The following IQANK1 variants were observed in gnomAD, a reference collection of about 807,000 sequenced individuals.
IQANK1 encodes the protein IQ motif and ankyrin repeat containing 1, also known as IQ motif and ankyrin repeat domain-containing protein 1.
IQANK1 carries 30 observed loss-of-function variants against 22.6 expected under a neutral mutation model. The observed-to-expected ratio is 1.33, with a 90% CI of 0.99 to 1.80. IQANK1 has a LOEUF of 1.80. Ranked by LOEUF, IQANK1 falls within the 40% of genes most tolerant of loss-of-function variation. The pLI is 0.00. For synonymous variants in IQANK1, 122 were observed against 99.6 expected (o/e 1.23, Z -1.34); for missense variants, 275 against 235.2 (o/e 1.17, Z -1.11).
chr8:143,751,867 T>G (rs935635019), intron 3 of IQANK1, among the ~76,000 whole-genome samples: 2 of 151,432 alleles, frequency 1.3e-5, no homozygotes, highest in African/African-American at 4.8e-5. Flanking sequence ...TATCTGGGAA[T>G]GTCTTATTTT....
intron 7 of IQANK1, among the ~76,000 whole-genome samples, chr8:143,776,327 C>CAAAA (rs57571355): frequency 4.7e-5 from 5 of 105,832 alleles, no homozygotes; most frequent in Admixed American, 1.1e-4. Context: ...GACTCCGTCT[C>CAAAA]AAAAAAAAAA....
intron 3 of IQANK1, chr8:143,742,836 A>C (rs1216274377): frequency 2.2e-5 from 10 of 456,014 alleles, no homozygotes; most frequent in African/African-American, 4.0e-5. Flanking sequence ...GGATGGTCCC[A>C]AACATGGCCT....
At chr8:143,741,998 G>T (rs578171021) in intron 3 of IQANK1, 2 of 246,478 alleles carry the variant, frequency 8.1e-6, no homozygotes, top group Non-Finnish European at 1.6e-5. Flanking sequence ...ACTCTGCCCC[G>T]GGGCCTGCTG....
intron 11 of IQANK1, 46 bp downstream of exon 11, chr8:143,789,915 C>T (rs1187487725): frequency 2.4e-6 from 3 of 1,231,694 alleles, no homozygotes; most frequent in South Asian, 4.1e-5. Flanking sequence ...ACATACAGCC[C>T]AGGGCGGGGT....
intron 7 of IQANK1, among the ~76,000 whole-genome samples, chr8:143,785,253 CTTTTTT>C (rs36118052): frequency 2.5e-4 from 23 of 92,036 alleles, no homozygotes; most frequent in Non-Finnish European, 4.5e-4. Flanking sequence ...TGTTCTGTAT[CTTTTTT>C]TTTTTTTTTT....
intron 7 of IQANK1, among the ~76,000 whole-genome samples, chr8:143,772,879 G>A (rs1819609115): frequency 6.6e-6 from 1 of 152,206 alleles, no homozygotes; most frequent in Admixed American, 6.5e-5. Context: ...CAGAGCTCAC[G>A]GCGCTGGGGG....
intron 3 of IQANK1, among the ~76,000 whole-genome samples, chr8:143,753,391 T>C (rs1388190076): frequency 6.6e-6 from 1 of 152,138 alleles, no homozygotes; most frequent in East Asian, 1.9e-4. Context: ...CTTGAGTTCT[T>C]TAAGATAATT....
In IQANK1 at chr8:143,739,148, C is replaced by G. The variant is rs116135250; in HGVS notation, c.86-711C>G. Among the ~76,000 whole-genome samples, 880 of 152,330 alleles carry G rather than the reference C, an allele frequency of 5.8e-3. 12 individuals carry two copies. The highest frequency in any genetic ancestry group is 0.02 in the African/African-American group (811 of 41,550). ...GCACTGCACTGCAACAAGGGCCTGACTGGATCAGAGCTGCCTTTGGGTCTC... is the reference window on the plus strand; with the variant it reads ...GCACTGCACTGCAACAAGGGCCTGAGTGGATCAGAGCTGCCTTTGGGTCTC... On this transcript the variant is annotated intron_variant, in intron 2 of 13. Transcript: ENST00000527139.
intron 3 of IQANK1, chr8:143,742,795 C>T (rs1554626756): frequency 2.2e-6 from 1 of 456,108 alleles, no homozygotes. Flanking sequence ...TGGCTACTTT[C>T]ACCTTAGCCA....
At chr8:143,775,814 A>ACACACACACACC (rs1819670119) in intron 7 of IQANK1, among the ~76,000 whole-genome samples, 1 of 150,560 alleles carries the variant, frequency 6.6e-6, no homozygotes, top group South Asian at 2.1e-4. Context: ...ACACACACAC[A>ACACACACACACC]CACACACACC....
At chr8:143,742,764 G>C (rs1554626751) in intron 3 of IQANK1, 1 of 454,640 alleles carries the variant, frequency 2.2e-6, no homozygotes, top group South Asian at 1.5e-5. Flanking sequence ...CCTCCAACCA[G>C]ACAGTGTGGC....
intron 3 of IQANK1, among the ~76,000 whole-genome samples, chr8:143,751,728 C>G (rs951365197): frequency 1.4e-5 from 2 of 140,784 alleles, no homozygotes; most frequent in African/African-American, 5.1e-5. Flanking sequence ...ACATGTTTAT[C>G]TTTATTGAGA....
At position 143,774,870 on chromosome 8, in the gene IQANK1, G is replaced by A. The variant is rs886206257; in HGVS notation, c.789+2388G>A. The stretch of plus-strand genomic sequence containing the variant: ...CAACAACTAGCAACGTGGAGAAACC[G>A]GAAGGGAGCTTCACAGAGTGGGGGA... On this transcript the variant is annotated intron_variant, in intron 7 of 13. Coordinates refer to ENST00000527139, the MANE Select transcript of IQANK1 (RefSeq NM_001381874.1). The surrounding 1 kb of genome is among the most constrained non-coding windows in gnomAD (Gnocchi z 4.2). Among the ~76,000 whole-genome samples the A allele has an allele frequency of 3.3e-5, 5 of 152,298 alleles. No individual in the cohort carries two copies. Among genetic ancestry groups the A allele is most frequent in the African/African-American group, 7.2e-5 (3 of 41,562 alleles).
chr8:143,744,112 G>A (rs575475530), intron 3 of IQANK1: 3 of 215,160 alleles, frequency 1.4e-5, no homozygotes, highest in South Asian at 1.1e-4. Context: ...GATTACAGGC[G>A]TGAGCCACCA....
intron 7 of IQANK1, among the ~76,000 whole-genome samples, 189 bp from the exon 8 acceptor site, chr8:143,788,726 C>A (rs566602548): frequency 1.3e-5 from 2 of 152,266 alleles, no homozygotes; most frequent in South Asian, 4.1e-4. Flanking sequence ...GCCTGGGTGG[C>A]CTGGGCTTTG....
At chr8:143,773,157 A>C (rs1819613731) in intron 7 of IQANK1, among the ~76,000 whole-genome samples, 2 of 152,306 alleles carry the variant, frequency 1.3e-5, no homozygotes, top group Admixed American at 6.5e-5. Flanking sequence ...AGATACAAAA[A>C]TTAGCTGGGC....
intron 3 of IQANK1, among the ~76,000 whole-genome samples, chr8:143,760,865 A>G (rs1423239481): frequency 1.3e-5 from 2 of 152,276 alleles, no homozygotes; most frequent in Non-Finnish European, 2.9e-5. Context: ...GGGCCCTCCC[A>G]GGAGCCGGTC....
chr8:143,751,650 G>GTATATATA (rs1223222979), intron 3 of IQANK1, among the ~76,000 whole-genome samples: 8 of 27,866 alleles, frequency 2.9e-4, no homozygotes, highest in Admixed American at 5.3e-4. Context: ...GTGTGTGTGT[G>GTATATATA]TGTGTGTGTG....
At chr8:143,734,743 C>T (rs1818679560) in intron 1 of IQANK1, among the ~76,000 whole-genome samples, 1 of 152,042 alleles carries the variant, frequency 6.6e-6, no homozygotes. Flanking sequence ...ACATACGGAA[C>T]CCTGTGTACA....
Sources: gnomAD v4.1 joint callset for allele counts (sites outside exome capture counted in the v4.1 genomes callset) on GRCh38, gnomAD v4.1.1 for gene constraint, Gnocchi (gnomAD v3.1) non-coding constraint, MANE v1.5 for transcripts, NCBI Gene and HGNC (gene_info 2026-07-23, HGNC 2026-07-21) for gene names.